The following PHLPP1 variants were observed in gnomAD, a reference collection of about 807,000 sequenced individuals.
PHLPP1 encodes the protein PH domain and leucine rich repeat protein phosphatase 1.
A neutral mutation model predicts 117.2 loss-of-function variants in PHLPP1; 42 were observed. That is an observed-to-expected ratio of 0.36 (90% CI 0.28 to 0.46). PHLPP1 has a LOEUF of 0.46. PHLPP1 is among the 20% of genes least tolerant of loss of function. The probability of loss-of-function intolerance (pLI) is 1.00; values close to 1 mark genes in which losing one functional copy is unlikely to be tolerated. For missense variants in PHLPP1, 2,084 were observed against 2,241.9 expected, an observed-to-expected ratio of 0.93 and a Z score of 1.42; for synonymous variants, 1,042 against 970.7, an observed-to-expected ratio of 1.07 and a Z score of -1.37.
intron 1 of PHLPP1, among the ~76,000 whole-genome samples, chr18:62,758,681 T>A (rs994862995): frequency 1.3e-5 from 2 of 152,084 alleles, no homozygotes; most frequent in African/African-American, 4.8e-5. Flanking sequence ...TCAGAAAAAA[T>A]TTCAGTTTAT....
At chr18:62,940,885 C>G (rs1288886855) in intron 10 of PHLPP1, among the ~76,000 whole-genome samples, 1 of 152,206 alleles carries the variant, frequency 6.6e-6, no homozygotes, top group Non-Finnish European at 1.5e-5. Context: ...TACACGCCGT[C>G]TCCTGGATAC....
chr18:62,905,022 T>G (rs1656083149), intron 7 of PHLPP1, among the ~76,000 whole-genome samples: 1 of 152,244 alleles, frequency 6.6e-6, no homozygotes, highest in African/African-American at 2.4e-5. Context: ...ATGATGTATT[T>G]CAATCTCTGA....
intron 4 of PHLPP1, among the ~76,000 whole-genome samples, chr18:62,868,966 C>T (rs1915833380): frequency 6.6e-6 from 1 of 152,196 alleles, no homozygotes; most frequent in Non-Finnish European, 1.5e-5. Flanking sequence ...AGTCACTGGA[C>T]ATGAGCCATC....
intron 4 of PHLPP1, among the ~76,000 whole-genome samples, chr18:62,876,360 C>A (rs1251366803): frequency 1.3e-5 from 2 of 152,208 alleles, no homozygotes; most frequent in African/African-American, 4.8e-5. Context: ...ACTCCTACCC[C>A]ACCCTTCAAA....
chr18:62,841,079 G>T lies in PHLPP1; in HGVS notation c.1899+2170G>T, dbSNP rs148965685. Reference sequence around the variant, plus strand: ...ATTTTTGTATTTTTAGTAGAGATGGGGTTTCACTATGTTGGCCAGGCTGGT... The same window carrying T: ...ATTTTTGTATTTTTAGTAGAGATGGTGTTTCACTATGTTGGCCAGGCTGGT... On this transcript the variant is annotated intron_variant, in intron 3 of 16. Coordinates refer to ENST00000262719, the MANE Select transcript of PHLPP1 (RefSeq NM_194449.4). 6.5e-3 allele frequency among the ~76,000 whole-genome samples: 996 copies of T among 152,158 alleles called. 46 individuals are homozygous for T. Among genetic ancestry groups the T allele is most frequent in the Admixed American group, 0.053 (805 of 15,270 alleles).
At chr18:62,755,497 T>C (rs542997539) in intron 1 of PHLPP1, among the ~76,000 whole-genome samples, 3 of 152,214 alleles carry the variant, frequency 2.0e-5, no homozygotes, top group African/African-American at 7.2e-5. Flanking sequence ...TTGGGGGTGA[T>C]TAGGTCATGA....
At chr18:62,840,125 A>C (rs879574873) in intron 3 of PHLPP1, among the ~76,000 whole-genome samples, 4 of 152,322 alleles carry the variant, frequency 2.6e-5, no homozygotes, top group East Asian at 3.8e-4. Context: ...TAAGGGAATA[A>C]CTTTGGAAAA....
intron 1 of PHLPP1, among the ~76,000 whole-genome samples, chr18:62,767,916 G>A (rs1427206765): frequency 6.6e-6 from 1 of 152,202 alleles, no homozygotes; most frequent in Non-Finnish European, 1.5e-5. Flanking sequence ...AATGAAAAAT[G>A]CTAAGATGCA....
intron 2 of PHLPP1, among the ~76,000 whole-genome samples, chr18:62,834,792 T>C (rs2144335858): frequency 6.6e-6 from 1 of 152,310 alleles, no homozygotes. Flanking sequence ...ATAGTGACCA[T>C]GTTCATTATT....
At chr18:62,736,117 C>T (rs1294699453) in intron 1 of PHLPP1, among the ~76,000 whole-genome samples, 2 of 152,152 alleles carry the variant, frequency 1.3e-5, no homozygotes, top group Non-Finnish European at 2.9e-5. Context: ...GAAACCTCTG[C>T]TTGTCCATTC....
At chr18:62,977,772 C>T (rs72947620) in intron 16 of PHLPP1, among the ~76,000 whole-genome samples, 287 of 152,288 alleles carry the variant, frequency 1.9e-3, no homozygotes, top group Non-Finnish European at 2.8e-3. Flanking sequence ...TATATGCCTG[C>T]GTCATGTGTC....
At chr18:62,898,795 T>TTTATTA (rs200823438) in intron 6 of PHLPP1, among the ~76,000 whole-genome samples, 23 of 151,610 alleles carry the variant, frequency 1.5e-4, no homozygotes, top group Non-Finnish European at 2.4e-4. Context: ...TTTTGTTTTA[T>TTTATTA]TTATTATTAT....
At chr18:62,868,392 T>C (rs1452696179) in intron 4 of PHLPP1, among the ~76,000 whole-genome samples, 2 of 151,906 alleles carry the variant, frequency 1.3e-5, no homozygotes, top group Non-Finnish European at 2.9e-5. Flanking sequence ...TTTGGGAGGC[T>C]AAGGTGGGTG....
intron 3 of PHLPP1, among the ~76,000 whole-genome samples, chr18:62,852,004 G>T (rs1283694835): frequency 1.3e-5 from 2 of 151,570 alleles, no homozygotes; most frequent in African/African-American, 4.9e-5. Flanking sequence ...AGCCTCCCAT[G>T]TAGCTAGGAC....
At chr18:62,776,768 C>A (rs1417173010) in intron 1 of PHLPP1, among the ~76,000 whole-genome samples, 1 of 152,070 alleles carries the variant, frequency 6.6e-6, no homozygotes, top group Non-Finnish European at 1.5e-5. Flanking sequence ...CGCCACCACA[C>A]CCGGCTAATT....
chr18:62,963,463 T>A lies in PHLPP1; in HGVS notation c.3551T>A (p.Val1184Glu). Residue 1184 changes from valine (V) to glutamate (E), a missense_variant, in exon 14 of 17, where the codon GTA becomes GAA. Val to Glu is a moderately radical substitution (Grantham distance 121, BLOSUM62 -2). This residue lies in a region of PHLPP1 where 1,365 missense variants were observed against 1,605.9 expected (regional missense o/e 0.85). Transcript: ENST00000262719. ...WSHGYTEASG[V>E]KNKLCVAALS... ...CATGGTTACACTGAAGCTTCGGGGG[T>A]AAAAAACAAGTAAGTCAGATGAAAC... is the stretch of plus-strand genomic sequence containing the variant. 4 of 1,607,896 alleles carry A rather than the reference T, an allele frequency of 2.5e-6. No individual in the cohort carries two copies. Among genetic ancestry groups the A allele is most frequent in the African/African-American group, 1.3e-5 (1 of 74,892 alleles).
intron 1 of PHLPP1, among the ~76,000 whole-genome samples, chr18:62,820,514 T>C (rs1724705904): frequency 6.6e-6 from 1 of 152,226 alleles, no homozygotes; most frequent in African/African-American, 2.4e-5. Flanking sequence ...GGTAATTGAA[T>C]CATGGGGGCA....
At chr18:62,938,305 G>A (rs1434160623) in intron 10 of PHLPP1, among the ~76,000 whole-genome samples, 1 of 152,150 alleles carries the variant, frequency 6.6e-6, no homozygotes, top group African/African-American at 2.4e-5. Context: ...TTTTTGCAAG[G>A]TTGAAAGCAG....
intron 1 of PHLPP1, among the ~76,000 whole-genome samples, chr18:62,787,318 C>T (rs189160057): frequency 1.6e-4 from 25 of 152,222 alleles, no homozygotes; most frequent in Admixed American, 1.2e-3. Flanking sequence ...AGGCACGTGC[C>T]GCTACTGCCT....
Sources: allele counts gnomAD v4.1 joint callset (sites outside exome capture counted in the v4.1 genomes callset), GRCh38; gene constraint gnomAD v4.1.1; regional missense constraint gnomAD v4.1.1; transcripts MANE v1.5; gene names NCBI Gene and HGNC (gene_info 2026-07-23, HGNC 2026-07-21).